Variants in PIGU observed in about 807,000 individuals in gnomAD.
The protein encoded by PIGU is phosphatidylinositol glycan anchor biosynthesis class U, also known as GPI-anchor transamidase component PIGU.
Under a neutral mutation model 49.9 loss-of-function variants are expected in PIGU, and 24 were observed. That is an observed-to-expected ratio of 0.48 (90% confidence interval 0.35 to 0.68). The LOEUF (loss-of-function observed/expected upper bound fraction) is 0.68. Among genes scored for constraint, PIGU ranks in the 30% least tolerant of loss-of-function variants. The pLI is 0.01. For missense variants in PIGU, 490 were observed against 532.6 expected, an observed-to-expected ratio of 0.92 and a Z score of 0.79; for synonymous variants, 220 against 205.7, an observed-to-expected ratio of 1.07 and a Z score of -0.59.
chr20:34,644,517 C>T (rs1986270596), intron 3 of PIGU, among the ~76,000 whole-genome samples: 1 of 152,118 alleles, frequency 6.6e-6, no homozygotes, highest in Admixed American at 6.5e-5. Flanking sequence ...GGAAATAATA[C>T]CCACTGCTTT....
intron 1 of PIGU, among the ~76,000 whole-genome samples, chr20:34,665,455 G>A (rs984925573): frequency 1.3e-5 from 2 of 150,348 alleles, no homozygotes; most frequent in Admixed American, 6.6e-5. Flanking sequence ...CGCCCGCCTC[G>A]GCCTCCCAAA....
At chr20:34,647,322 C>T (rs898788165) in intron 2 of PIGU, among the ~76,000 whole-genome samples, 13 of 146,418 alleles carry the variant, frequency 8.9e-5, no homozygotes, top group African/African-American at 3.3e-4. Flanking sequence ...AGTGCAGTGG[C>T]ACAATCTCGG....
In PIGU at chr20:34,647,409, G is replaced by A. The variant is rs535425647; in HGVS notation, c.196-2075C>T. Among the ~76,000 whole-genome samples the A allele has an allele frequency of 4.6e-5, 7 of 151,830 alleles. No homozygotes were observed. In the South Asian group the frequency reaches 8.3e-4, roughly 18 times the overall value. ...CCCAAGTAGCTGGGATTACAGCCGC[G>A]CGCCACCACACCTGGCTAATTTTTG... On this transcript the variant is annotated intron_variant, in intron 2 of 11. Coordinates refer to ENST00000217446, the MANE Select transcript of PIGU (RefSeq NM_080476.5).
chr20:34,653,099 A>G, intron 2 of PIGU, among the ~76,000 whole-genome samples: 1 of 152,104 alleles, frequency 6.6e-6, no homozygotes, highest in East Asian at 1.9e-4. Context: ...CAGCCTCCCA[A>G]GTAGCTGGGA....
chr20:34,609,572 C>A (rs768776835), intron 7 of PIGU, among the ~76,000 whole-genome samples: 1 of 152,078 alleles, frequency 6.6e-6, no homozygotes, highest in Non-Finnish European at 1.5e-5. Context: ...ACTATGTTGG[C>A]CAGGCTTGTC....
At chr20:34,592,459 G>A (rs889749543) in intron 7 of PIGU, among the ~76,000 whole-genome samples, 5 of 147,594 alleles carry the variant, frequency 3.4e-5, no homozygotes, top group Admixed American at 6.7e-5. Flanking sequence ...AAAGAGAGAC[G>A]AACAAATAAA....
At position 34,610,759 on chromosome 20, in the gene PIGU, G is replaced by T. The variant is rs537319725; in HGVS notation, c.627+5283C>A. Among the ~76,000 whole-genome samples, 58 of 152,202 alleles carry T rather than the reference G, an allele frequency of 3.8e-4. No homozygotes were observed. In the Middle Eastern group the frequency reaches 0.014, roughly 36 times the overall value. Reference sequence around the variant, plus strand: ...GCCTGTGTAGCCAAGACAATCCTAAGCAAAAAGAACAAAGTTGGAGGCAAC... The same window carrying T: ...GCCTGTGTAGCCAAGACAATCCTAATCAAAAAGAACAAAGTTGGAGGCAAC... On this transcript the variant is annotated intron_variant, in intron 7 of 11. Transcript: ENST00000217446.
intron 8 of PIGU, among the ~76,000 whole-genome samples, chr20:34,588,180 A>T (rs140535615): frequency 0.014 from 2,089 of 152,146 alleles, 52 homozygotes; most frequent in African/African-American, 0.048. Flanking sequence ...TGAAACCAGG[A>T]GGTGGAGGGT....
chr20:34,630,298 G>C (rs909218103), intron 6 of PIGU, among the ~76,000 whole-genome samples: 3 of 152,110 alleles, frequency 2.0e-5, no homozygotes, highest in African/African-American at 7.2e-5. Context: ...GGGCTGAGGA[G>C]AGGTGTGGGC....
chr20:34,633,570 A>T (rs1423547569), intron 6 of PIGU, among the ~76,000 whole-genome samples: 1 of 145,498 alleles, frequency 6.9e-6, no homozygotes, highest in South Asian at 2.2e-4. Context: ...AAAGAGCTAA[A>T]TTTTTTTTTT....
At position 34,656,111 on chromosome 20, in the gene PIGU, T is replaced by A. The variant is rs1184714974; in HGVS notation, c.195+1069A>T. 2.0e-5 allele frequency among the ~76,000 whole-genome samples: 2 copies of A among 101,890 alleles called. 1 individual carries two copies. The highest frequency in any genetic ancestry group is 7.5e-5 in the African/African-American group (2 of 26,782). The allele number at this position is 101,890 out of a possible 152,430, so 66.8% of individuals were successfully genotyped here. ...GCCTCAGCCTCCCAAGTAGCTGGGATTACAGGCACCTGCCACCATGCCCAG... is the reference window on the plus strand; with the variant it reads ...GCCTCAGCCTCCCAAGTAGCTGGGAATACAGGCACCTGCCACCATGCCCAG... On this transcript the variant is annotated intron_variant, in intron 2 of 11. Transcript: ENST00000217446.
At chr20:34,618,190 T>C (rs1001697477) in intron 6 of PIGU, among the ~76,000 whole-genome samples, 1 of 152,238 alleles carries the variant, frequency 6.6e-6, no homozygotes, top group South Asian at 2.1e-4. Flanking sequence ...AATTTTTCAT[T>C]TTTGCTTCAC....
intron 4 of PIGU, among the ~76,000 whole-genome samples, chr20:34,641,278 T>C (rs1600652862): frequency 6.6e-6 from 1 of 152,180 alleles, no homozygotes; most frequent in East Asian, 1.9e-4. Context: ...CCAAAAACTA[T>C]GGTGGGGTCG....
In PIGU at chr20:34,649,715, A is replaced by T. The variant is rs537164590; in HGVS notation, c.196-4381T>A. On this transcript the variant is annotated intron_variant, in intron 2 of 11. Coordinates refer to ENST00000217446, the MANE Select transcript of PIGU (RefSeq NM_080476.5). ...ACGCCTGCCTAATTTTTATATTTTT[A>T]GTAGAAACAGGGTTTCACCATGTTG... Among the ~76,000 whole-genome samples, 3 of 151,698 alleles carry T rather than the reference A, an allele frequency of 2.0e-5. No homozygotes were observed. The South Asian group carries it at 6.3e-4, about 32-fold the overall frequency.
chr20:34,585,538 C>A lies in PIGU; in HGVS notation c.825G>T (p.Trp275Cys). 6.2e-7 allele frequency: 1 copy of A among 1,613,526 alleles called. No individual in the cohort carries two copies. The highest frequency in any genetic ancestry group is 1.3e-5 in the African/African-American group (1 of 74,986). The change falls in exon 9 of 12, where the codon TGG (tryptophan) becomes TGT (cysteine). Residue 275 changes from tryptophan to cysteine, a missense_variant. Transcript: ENST00000217446. ...GCTCAAACATCTCTGCAAAGAAGTACCAGAAAAGACCAATGTTTGGAGTGA... is the reference window on the plus strand; with the variant it reads ...GCTCAAACATCTCTGCAAAGAAGTAACAGAAAAGACCAATGTTTGGAGTGA... Reference protein sequence around the residue: ...PDLTPNIGLFWYFFAEMFEHF... With the variant: ...PDLTPNIGLFCYFFAEMFEHF...
Position 34,560,640 on chromosome 20 carries a change from G to A in PIGU, c.*226C>T. The A allele has an allele frequency of 2.2e-6, 1 of 456,486 alleles. No homozygotes were observed. The highest frequency in any genetic ancestry group is 3.9e-6 in the Non-Finnish European group (1 of 258,528). 28.3% of individuals were successfully genotyped at this position (456,486 alleles called of 1,614,324 possible). On this transcript the variant is annotated 3_prime_UTR_variant, in exon 12 of 12. Coordinates refer to ENST00000217446, the MANE Select transcript of PIGU (RefSeq NM_080476.5). ...CCTGTCTGGGAGGGGGCTCCTTGGT[G>A]TGCAGAGCCACAAGGTGGGGGTCCA...
At chr20:34,660,078 T>G (rs1986884883) in intron 1 of PIGU, among the ~76,000 whole-genome samples, 1 of 52,474 alleles carries the variant, frequency 1.9e-5, no homozygotes, top group Non-Finnish European at 5.0e-5. Flanking sequence ...AGAACAGCTT[T>G]AAAAAATAAA....
intron 10 of PIGU, among the ~76,000 whole-genome samples, chr20:34,576,576 A>G (rs1302346583): frequency 2.0e-5 from 3 of 152,140 alleles, no homozygotes; most frequent in African/African-American, 4.8e-5. Context: ...CTCACATTGC[A>G]TCACTCAGAC....
At chr20:34,562,699 C>G (rs6059918) in intron 11 of PIGU, 3 of 601,990 alleles carry the variant, frequency 5.0e-6, no homozygotes, top group Non-Finnish European at 8.0e-6. Context: ...TGCCTGGGGC[C>G]CAGATCACTG....
Sources: gnomAD v4.1 joint callset for allele counts (sites outside exome capture counted in the v4.1 genomes callset) on GRCh38, gnomAD v4.1.1 for gene constraint, MANE v1.5 for transcripts, NCBI Gene and HGNC (gene_info 2026-07-23, HGNC 2026-07-21) for gene names.